COPZ1: variants seen among roughly 807,000 people sequenced by gnomAD.
COPZ1 encodes the protein coatomer subunit zeta-1.
A neutral mutation model predicts 31.7 loss-of-function variants in COPZ1; 4 were observed. The ratio of observed to expected loss-of-function variants is 0.13; its 90% confidence interval spans 0.06 to 0.29. The LOEUF (loss-of-function observed/expected upper bound fraction) is 0.29, where lower values mean the gene tolerates loss of function less well. COPZ1 is among the 10% of genes least tolerant of loss of function. The pLI, the probability that COPZ1 is intolerant of heterozygous loss-of-function variation, is 1.00. For missense variants in COPZ1, 156 were observed against 211.5 expected, an observed-to-expected ratio of 0.74 and a Z score of 1.63; for synonymous variants, 74 against 79.0, an observed-to-expected ratio of 0.94 and a Z score of 0.33.
chr12:54,350,052 GT>G, intron 8 of COPZ1: 1 of 600,140 alleles, frequency 1.7e-6, no homozygotes, highest in East Asian at 2.7e-5. Context: ...GAATATGCAG[GT>G]TTTGCAGATC....
chr12:54,348,061 A>C lies in COPZ1; in HGVS notation c.447+10A>C. ...CCGGGTGGCATTAAGGGTAAGCAAG[A>C]ATGTGTTTCTTTGCATCCCCGCATC... On this transcript the variant is annotated intron_variant, in intron 7 of 8. Coordinates refer to ENST00000262061, the MANE Select transcript of COPZ1 (RefSeq NM_016057.3). 1.2e-6 allele frequency: 2 copies of C among 1,613,678 alleles called. No homozygotes were observed. Among genetic ancestry groups the C allele is most frequent in the Non-Finnish European group, 1.7e-6 (2 of 1,179,672 alleles).
At position 54,343,087 on chromosome 12, in the gene COPZ1, C is replaced by T. The variant is rs1954003039; in HGVS notation, c.170-138C>T. 4.2e-6 allele frequency: 3 copies of T among 719,456 alleles called. No individual in the cohort carries two copies. The South Asian group carries it at 4.7e-5, about 11-fold the overall frequency. 44.6% of individuals were successfully genotyped at this position (719,456 alleles called of 1,614,324 possible). On this transcript the variant is annotated intron_variant, in intron 3 of 8. Coordinates refer to ENST00000262061, the MANE Select transcript of COPZ1 (RefSeq NM_016057.3). ...GGCCAGGCTGGTCTTGAACTCCTGA[C>T]CTTAGGTGATCCGCCAGGCTCGGCT...
intron 1 of COPZ1, among the ~76,000 whole-genome samples, chr12:54,331,396 G>T (rs1953751934): frequency 6.6e-6 from 1 of 151,980 alleles, no homozygotes; most frequent in Non-Finnish European, 1.5e-5. Context: ...GGCCAAGCTG[G>T]CCTCGAACTC....
At chr12:54,347,039 C>T (rs962592494) in intron 5 of COPZ1, among the ~76,000 whole-genome samples, 2 of 152,162 alleles carry the variant, frequency 1.3e-5, no homozygotes, top group Non-Finnish European at 2.9e-5. Context: ...CCCAAGTGAA[C>T]CCAGTACAGA....
In COPZ1 at chr12:54,351,059, T is replaced by G. The variant is rs932565298; in HGVS notation, c.*536T>G. ...AGTGTTTTCTTCCATTCCTTCTTAC[T>G]GCCCTGTCCTCTGCCTTGGAAGAGG... On this transcript the variant is annotated 3_prime_UTR_variant, in exon 9 of 9. Coordinates refer to ENST00000262061, the MANE Select transcript of COPZ1 (RefSeq NM_016057.3). 2.4e-5 allele frequency: 4 copies of G among 166,426 alleles called. No homozygotes were observed. Among genetic ancestry groups the G allele is most frequent in the Admixed American group, 5.5e-5 (1 of 18,100 alleles). The allele number at this position is 166,426 out of a possible 1,614,324, so 10.3% of individuals were successfully genotyped here.
chr12:54,337,260 G>T (rs1592202795), intron 1 of COPZ1: 1 of 534,710 alleles, frequency 1.9e-6, no homozygotes, highest in Non-Finnish European at 3.8e-6. Flanking sequence ...ATACACTCAG[G>T]CTGTGGCTCT....
intron 1 of COPZ1, among the ~76,000 whole-genome samples, chr12:54,333,901 T>C (rs1376592684): frequency 6.6e-6 from 1 of 152,154 alleles, no homozygotes; most frequent in Non-Finnish European, 1.5e-5. Flanking sequence ...TCCCACTCTT[T>C]CCTGAGCTGT....
At chr12:54,333,715 T>G (rs1215880063) in intron 1 of COPZ1, among the ~76,000 whole-genome samples, 1 of 152,154 alleles carries the variant, frequency 6.6e-6, no homozygotes, top group Non-Finnish European at 1.5e-5. Flanking sequence ...CATTTTCTCC[T>G]GTAATATCAA....
rs776758894 is a variant in COPZ1 at position 54,325,144 on chromosome 12, G to T, written c.-20G>T. On this transcript the variant is annotated 5_prime_UTR_variant, in exon 1 of 9. Transcript: ENST00000262061. ...GGCGTTTCTTTTGCGGCTCCACGTC[G>T]GCACCAGCTGCGGGGCAAGATGGAG... 6.4e-7 allele frequency: 1 copy of T among 1,561,710 alleles called. No individual in the cohort carries two copies. The highest frequency in any genetic ancestry group is 1.2e-5 in the South Asian group (1 of 84,836).
At chr12:54,349,488 G>A (rs1954113761) in intron 7 of COPZ1, 132 bp from the exon 8 acceptor site, 3 of 783,318 alleles carry the variant, frequency 3.8e-6, no homozygotes, top group African/African-American at 1.7e-5. Flanking sequence ...CCCTAGAAGG[G>A]ACTGAGAAGT....
chr12:54,348,121 G>T, intron 7 of COPZ1, 70 bp downstream of exon 7: 1 of 1,421,268 alleles, frequency 7.0e-7, no homozygotes, highest in South Asian at 1.2e-5. Flanking sequence ...AGACCTGCTG[G>T]ATGTGTCCAG....
At chr12:54,340,474 C>A (rs762547020) in intron 1 of COPZ1, 73 bp from the exon 2 acceptor site, 15 of 1,597,416 alleles carry the variant, frequency 9.4e-6, no homozygotes, top group Non-Finnish European at 1.3e-5. Flanking sequence ...CCCAGTGGGA[C>A]TAGGGGAAGG....
intron 1 of COPZ1, among the ~76,000 whole-genome samples, chr12:54,335,706 CTT>C (rs1440738580): frequency 1.3e-5 from 2 of 151,806 alleles, no homozygotes; most frequent in Non-Finnish European, 2.9e-5. Context: ...CGGTCTCACT[CTT>C]TTGTGTAGGC....
At position 54,350,601 on chromosome 12, in the gene COPZ1, T is replaced by C; in HGVS notation, c.*78T>C. ...TGTGAATTTTCATCTAGTTCCCCAA[T>C]CGATGCTCTCAGGGTCATCTCGGGG... On this transcript the variant is annotated 3_prime_UTR_variant, in exon 9 of 9. Coordinates refer to ENST00000262061, the MANE Select transcript of COPZ1 (RefSeq NM_016057.3). 1 of 1,147,664 alleles carries C rather than the reference T, an allele frequency of 8.7e-7. No individual in the cohort carries two copies. The allele number at this position is 1,147,664 out of a possible 1,614,324, so 71.1% of individuals were successfully genotyped here. A position where few individuals can be genotyped will look rare whatever the true frequency, so the allele number is the denominator to read the frequency against.
chr12:54,326,002 G>A (rs1195264272), intron 1 of COPZ1, among the ~76,000 whole-genome samples: 2 of 150,638 alleles, frequency 1.3e-5, no homozygotes, highest in Non-Finnish European at 3.0e-5. Flanking sequence ...TGTATTTTTA[G>A]TAGAGACGTG....
At chr12:54,343,100 G>T (rs1352534787) in intron 3 of COPZ1, 125 bp from the exon 4 acceptor site, 1 of 752,438 alleles carries the variant, frequency 1.3e-6, no homozygotes, top group Non-Finnish European at 2.4e-6. Flanking sequence ...TAGGTGATCC[G>T]CCAGGCTCGG....
At chr12:54,332,759 A>G (rs1015574094) in intron 1 of COPZ1, among the ~76,000 whole-genome samples, 2 of 151,688 alleles carry the variant, frequency 1.3e-5, no homozygotes, top group Non-Finnish European at 2.9e-5. Context: ...AAAAAAAAAA[A>G]GAAAGCTGGA....
At chr12:54,333,812 G>A (rs562677166) in intron 1 of COPZ1, among the ~76,000 whole-genome samples, 28 of 152,272 alleles carry the variant, frequency 1.8e-4, no homozygotes, top group South Asian at 1.7e-3. Context: ...AGTTCTTCCC[G>A]AGTCATGTGT....
rs1353253363 is a variant in COPZ1, at chr12:54,350,587, A to G, written c.*64A>G. Reference sequence around the variant, plus strand: ...ATTTGCATGTCTGCTGTGAATTTTCATCTAGTTCCCCAATCGATGCTCTCA... The same window carrying G: ...ATTTGCATGTCTGCTGTGAATTTTCGTCTAGTTCCCCAATCGATGCTCTCA... On this transcript the variant is annotated 3_prime_UTR_variant, in exon 9 of 9. Transcript: ENST00000262061. 7.9e-7 allele frequency: 1 copy of G among 1,269,622 alleles called. No individual in the cohort carries two copies. The highest frequency in any genetic ancestry group is 1.2e-6 in the Non-Finnish European group (1 of 865,760). The allele number at this position is 1,269,622 out of a possible 1,614,324, so 78.6% of individuals were successfully genotyped here.
Sources: allele counts gnomAD v4.1 joint callset (sites outside exome capture counted in the v4.1 genomes callset), GRCh38; gene constraint gnomAD v4.1.1; transcripts MANE v1.5; gene names NCBI Gene and HGNC (gene_info 2026-07-23, HGNC 2026-07-21).